CTBP2: variants seen among roughly 807,000 people sequenced by gnomAD.
CTBP2 encodes the protein C-terminal-binding protein 2.
A neutral mutation model predicts 80.3 loss-of-function variants in CTBP2; 30 were observed. The ratio of observed to expected loss-of-function variants is 0.37; its 90% CI spans 0.28 to 0.51. The LOEUF is 0.51. Among genes scored for constraint, CTBP2 ranks in the 20% least tolerant of loss-of-function variants. The probability of loss-of-function intolerance (pLI) is 0.93; values close to 1 mark genes in which losing one functional copy is unlikely to be tolerated. For missense variants in CTBP2, 1,212 were observed against 1,375.3 expected, an observed-to-expected ratio of 0.88 and a Z score of 1.88; for synonymous variants, 594 against 587.4, an observed-to-expected ratio of 1.01 and a Z score of -0.16.
At chr10:124,993,612 A>C (rs777590939) in intron 6 of CTBP2, among the ~76,000 whole-genome samples, 6 of 152,168 alleles carry the variant, frequency 3.9e-5, no homozygotes, top group Non-Finnish European at 8.8e-5. Flanking sequence ...TGAAGACCAG[A>C]ACCACTGCCA....
At chr10:125,011,702 G>A (rs1444389273) in intron 1 of CTBP2, among the ~76,000 whole-genome samples, 2 of 152,330 alleles carry the variant, frequency 1.3e-5, no homozygotes, top group Admixed American at 6.5e-5. Flanking sequence ...GCTGCAGCCC[G>A]CACCCTGCAG....
chr10:125,057,108 A>G (rs1380235669), intron 2 of CTBP2, among the ~76,000 whole-genome samples: 1 of 152,248 alleles, frequency 6.6e-6, no homozygotes, highest in African/African-American at 2.4e-5. Flanking sequence ...GCAAGGCCAG[A>G]AGGCAGTGCA....
chr10:125,013,180 G>C (rs550973835), intron 1 of CTBP2, among the ~76,000 whole-genome samples: 4 of 152,326 alleles, frequency 2.6e-5, no homozygotes, highest in African/African-American at 7.2e-5. Flanking sequence ...TCTGGAGCCT[G>C]TTGGAAAGAC....
At chr10:125,160,608 C>G (rs1230719601), upstream of CTBP2, 1 of 122,970 alleles carries the variant, frequency 8.1e-6, no homozygotes, top group Non-Finnish European at 1.7e-5. Context: ...CCTCCCCACC[C>G]TCCCTCCGCT....
At chr10:125,126,147 G>A (rs570897052) in intron 1 of CTBP2, among the ~76,000 whole-genome samples, 24 of 150,908 alleles carry the variant, frequency 1.6e-4, no homozygotes, top group Admixed American at 1.5e-3. Flanking sequence ...GACACACTTC[G>A]CAATGGGCCA....
chr10:125,122,426 C>T (rs956510660), intron 1 of CTBP2, among the ~76,000 whole-genome samples: 7 of 152,250 alleles, frequency 4.6e-5, no homozygotes, highest in African/African-American at 1.2e-4. Context: ...TTACAGTTTT[C>T]ACTGAAGCAT....
At chr10:125,005,033 G>A (rs538494299) in intron 1 of CTBP2, among the ~76,000 whole-genome samples, 27 of 152,264 alleles carry the variant, frequency 1.8e-4, no homozygotes, top group African/African-American at 5.3e-4. Context: ...CTCATATTCC[G>A]TTAGCCACAC....
intron 3 of CTBP2, among the ~76,000 whole-genome samples, chr10:125,036,666 GGGGTGTGT>G (rs1235402851): frequency 0.041 from 4,093 of 100,194 alleles, 105 homozygotes; most frequent in African/African-American, 0.13. Context: ...AAAGCTAGAG[GGGGTGTGT>G]GTGTGTGTGT....
chr10:125,137,497 C>A (rs1198112097), intron 1 of CTBP2, among the ~76,000 whole-genome samples: 1 of 152,176 alleles, frequency 6.6e-6, no homozygotes, highest in Non-Finnish European at 1.5e-5. Context: ...CTTTTAAATG[C>A]ACAATGTGCT....
chr10:125,156,227 T>C (rs1378810281), intron 1 of CTBP2, among the ~76,000 whole-genome samples: 1 of 152,214 alleles, frequency 6.6e-6, no homozygotes, highest in Non-Finnish European at 1.5e-5. Flanking sequence ...GAATATATAT[T>C]TGTGGCCTGA....
chr10:125,032,961 G>A (rs113896451), upstream of CTBP2: 10 of 154,238 alleles, frequency 6.5e-5, no homozygotes, highest in African/African-American at 2.4e-4. Context: ...ACAGAGACCT[G>A]CTCCACCTGA....
Position 124,985,178 on chromosome 10 carries a change from G to C in CTBP2, c.*4340C>G. 1.9e-6 allele frequency: 1 copy of C among 515,744 alleles called. No homozygotes were observed. The allele number at this position is 515,744 out of a possible 1,614,324, so 31.9% of individuals were successfully genotyped here. A position where few individuals can be genotyped will look rare whatever the true frequency, so the allele number is the denominator to read the frequency against. ...TGCCTCTGCTGCGTGAGGAGACAGA[G>C]AACTTTAGTTGGACTACAGTTTGTA... On this transcript the variant is annotated 3_prime_UTR_variant, in exon 9 of 9. Transcript: ENST00000309035.
chr10:125,086,704 A>C (rs890238096), intron 2 of CTBP2, among the ~76,000 whole-genome samples: 1 of 151,560 alleles, frequency 6.6e-6, no homozygotes, highest in African/African-American at 2.4e-5. Context: ...TTGGGCCCTC[A>C]TCAGACATCG....
Position 125,062,008 on chromosome 10 carries a change from T to C in CTBP2, c.-101-22853A>G, listed in dbSNP as rs115699042. Among the ~76,000 whole-genome samples the C allele has an allele frequency of 3.5e-3, 525 of 152,154 alleles. 3 individuals are homozygous for C. Among genetic ancestry groups the C allele is most frequent in the African/African-American group, 0.012 (503 of 41,522 alleles). ...GGGTGGAGGTGGGACCGAAGCCGGG[T>C]AGCCCAGGGATCGTCCACGCCCTGA... On this transcript the variant is annotated intron_variant, in intron 2 of 10. Coordinates refer to the CTBP2 transcript ENST00000337195.
intron 1 of CTBP2, among the ~76,000 whole-genome samples, chr10:125,151,276 A>G (rs1205701333): frequency 6.6e-6 from 1 of 152,152 alleles, no homozygotes; most frequent in Non-Finnish European, 1.5e-5. Context: ...CTGCGCTCGG[A>G]CAACCTCTAG....
chr10:125,098,438 T>C (rs1216110349), intron 2 of CTBP2, among the ~76,000 whole-genome samples: 1 of 152,092 alleles, frequency 6.6e-6, no homozygotes. Flanking sequence ...GCGTCTGGTA[T>C]ATGCGTGGTC....
Position 124,984,996 on chromosome 10 carries a change from A to T in CTBP2, c.*4522T>A. 1 of 1,603,576 alleles carries T rather than the reference A, an allele frequency of 6.2e-7. No homozygotes were observed. The highest frequency in any genetic ancestry group is 8.5e-7 in the Non-Finnish European group (1 of 1,173,336). On this transcript the variant is annotated 3_prime_UTR_variant, in exon 9 of 9. Coordinates refer to ENST00000309035, the MANE Select transcript of CTBP2 (RefSeq NM_022802.3). ...TGAGGATGATGAAGATGAATGAAAA[A>T]AAAAATCAAACAGCAGAAGACCAAG...
chr10:125,157,144 A>G (rs970190710), intron 1 of CTBP2, among the ~76,000 whole-genome samples: 1 of 152,172 alleles, frequency 6.6e-6, no homozygotes, highest in Non-Finnish European at 1.5e-5. Flanking sequence ...CTTTCTCTTC[A>G]CGGAATTGAT....
upstream of CTBP2, among the ~76,000 whole-genome samples, chr10:125,030,802 G>T (rs1205789321): frequency 6.6e-6 from 1 of 152,178 alleles, no homozygotes; most frequent in Non-Finnish European, 1.5e-5. Flanking sequence ...TCATTCTCAG[G>T]AGGCAACTTA....
Sources: gnomAD v4.1 joint callset for allele counts (sites outside exome capture counted in the v4.1 genomes callset) on GRCh38, gnomAD v4.1.1 for gene constraint, MANE v1.5 for transcripts, NCBI Gene and HGNC (gene_info 2026-07-23, HGNC 2026-07-21) for gene names.